Variants in PHF7 observed in about 807,000 individuals in gnomAD.
PHF7 encodes PHD finger protein 7.
A neutral mutation model predicts 47.5 loss-of-function variants in PHF7; 24 were observed. The observed-to-expected ratio is 0.51, with a 90% CI of 0.37 to 0.71. PHF7 has a LOEUF of 0.71. PHF7 is among the 30% of genes least tolerant of loss of function. The pLI is 0.00. For missense variants in PHF7, 361 were observed against 456.8 expected, an observed-to-expected ratio of 0.79 and a Z score of 1.91; for synonymous variants, 156 against 153.8, an observed-to-expected ratio of 1.01 and a Z score of -0.11.
In PHF7 at chr3:52,422,751, T is replaced by C. The variant is rs761431788; in HGVS notation, c.798-9T>C. 2.5e-6 allele frequency: 4 copies of C among 1,614,010 alleles called. No individual in the cohort carries two copies. The highest frequency in any genetic ancestry group is 3.4e-6 in the Non-Finnish European group (4 of 1,179,914). ...TGTCTCCACAACCCTTCCTGGGCTCTTCCTCTAGGAGGTGGTGCCTCATTC... is the reference window on the plus strand; with the variant it reads ...TGTCTCCACAACCCTTCCTGGGCTCCTCCTCTAGGAGGTGGTGCCTCATTC... On this transcript the variant is annotated splice_polypyrimidine_tract_variant and intron_variant, in intron 9 of 10. Coordinates refer to ENST00000327906, the MANE Select transcript of PHF7 (RefSeq NM_016483.7).
rs1395140112 is a variant in PHF7 at position 52,412,865 on chromosome 3, G to A, written c.-15G>A. 13 of 1,599,780 alleles carry A rather than the reference G, an allele frequency of 8.1e-6. No homozygotes were observed. Among genetic ancestry groups the A allele is most frequent in the Middle Eastern group, 1.6e-4 (1 of 6,068 alleles). On this transcript the variant is annotated 5_prime_UTR_variant, in exon 2 of 11. Transcript: ENST00000327906. ...GTATAGAAGAATTCAAGAGAGGAGA[G>A]AGAGACAGCACCGAATGAAGACTGT...
chr3:52,414,722 T>G, intron 4 of PHF7, 135 bp downstream of exon 4: 1 of 499,424 alleles, frequency 2.0e-6, no homozygotes, highest in Non-Finnish European at 3.5e-6. Context: ...TAAAATCTAT[T>G]TTTAGGCTGG....
In PHF7 at chr3:52,420,313, C is replaced by T; in HGVS notation, c.291C>T (p.Ile97=). 1 of 1,613,926 alleles carries T rather than the reference C, an allele frequency of 6.2e-7. No homozygotes were observed. Among genetic ancestry groups the T allele is most frequent in the Middle Eastern group, 1.7e-4 (1 of 6,060 alleles). Reference sequence around the variant, plus strand: ...ACTGTCTGGGAACTCATTTGCAGATCTGCTTTGTGTGCAAGAAAAAGGGAG... The same window carrying T: ...ACTGTCTGGGAACTCATTTGCAGATTTGCTTTGTGTGCAAGAAAAAGGGAG... ...KKEAARASRK[I]CFVCKKKGAA... is the part of the protein sequence containing the mutation. Residue 97 remains isoleucine, a splice_region_variant and synonymous_variant, in exon 6 of 11, where the codon ATC becomes ATT. Transcript: ENST00000327906.
chr3:52,422,706 A>G (rs886186268), intron 9 of PHF7, 54 bp from the exon 10 acceptor site: 1 of 1,602,996 alleles, frequency 6.2e-7, no homozygotes, highest in Non-Finnish European at 8.5e-7. Flanking sequence ...ACATCCAAGC[A>G]TGGCAGTTGG....
Position 52,422,860 on chromosome 3 carries a change from T to C in PHF7, c.898T>C (p.Cys300Arg). 6.2e-7 allele frequency: 1 copy of C among 1,613,588 alleles called. No homozygotes were observed. The highest frequency in any genetic ancestry group is 8.5e-7 in the Non-Finnish European group (1 of 1,179,894). The change falls in exon 10 of 11, where the codon TGT becomes CGT. Residue 300 changes from cysteine to arginine, a missense_variant. Transcript: ENST00000327906. ...CAGTAAGAAATGGGAGTGTGAGGAG[T>C]GTTCACCTGCTGCAGCCACAGGTGA... ...SNSKKWECEECSPAAATDYIP... is the reference protein window; with the variant it reads ...SNSKKWECEERSPAAATDYIP...
At chr3:52,415,807 C>G (rs1559598906) in intron 4 of PHF7, among the ~76,000 whole-genome samples, 1 of 152,146 alleles carries the variant, frequency 6.6e-6, no homozygotes, top group Non-Finnish European at 1.5e-5. Context: ...TGAATTGTTT[C>G]CATTTGAGGA....
Position 52,422,263 on chromosome 3 carries a change from T to C in PHF7, c.722T>C (p.Leu241Ser). Residue 241 changes from leucine to serine, a missense_variant, in exon 9 of 11, where the codon TTA becomes TCA. Physicochemically the swap from Leu to Ser is moderately radical, Grantham distance 145. Transcript: ENST00000327906. ...WELEPGAFSD[L>S]YQRYQHCDAP... ...CTCGAGCCAGGGGCTTTCTCAGACT[T>C]ATATCAGCGCTATCAGCACTGTGAT... is the stretch of plus-strand genomic sequence containing the variant. The C allele has an allele frequency of 6.2e-7, 1 of 1,614,094 alleles. No individual in the cohort carries two copies. Among genetic ancestry groups the C allele is most frequent in the South Asian group, 1.1e-5 (1 of 91,082 alleles).
intron 6 of PHF7, 152 bp downstream of exon 6, chr3:52,420,587 T>G (rs1705756944): frequency 1.2e-6 from 1 of 806,894 alleles, no homozygotes. Flanking sequence ...TGTCTTGACT[T>G]GGAGATTTCA....
rs498778 is a variant in PHF7, at chr3:52,419,877, C to T, written c.231C>T (p.Gly77=). 1,538,603 of 1,609,890 alleles carry T rather than the reference C, an allele frequency of 0.96. 735,446 individuals carry two copies. Among genetic ancestry groups the T allele is most frequent in the African/African-American group, 0.99 (73,875 of 74,932 alleles). Residue 77 remains glycine, a synonymous_variant, in exon 5 of 11, where the codon GGC becomes GGT. Coordinates refer to ENST00000327906, the MANE Select transcript of PHF7 (RefSeq NM_016483.7). ...CTCAGAGGGGCCAGTCCAACAGAGGCTTCCATGGATTTCTGCCTGAAGACA... is the reference window on the plus strand; with the variant it reads ...CTCAGAGGGGCCAGTCCAACAGAGGTTTCCATGGATTTCTGCCTGAAGACA... ...KLPQRGQSNR[G]FHGFLPEDIK... is the part of the protein sequence containing the mutation.
intron 9 of PHF7, 31 bp from the exon 10 acceptor site, chr3:52,422,729 C>T (rs1008684746): frequency 2.5e-6 from 4 of 1,613,278 alleles, no homozygotes; most frequent in Middle Eastern, 1.6e-4. Flanking sequence ...TTCTGTATGT[C>T]TCCACAACCC....
intron 9 of PHF7, 134 bp from the exon 10 acceptor site, chr3:52,422,626 A>G (rs1171098235): frequency 1.1e-6 from 1 of 931,834 alleles, no homozygotes; most frequent in Non-Finnish European, 1.7e-6. Flanking sequence ...TGGGATCAGC[A>G]CTCATCCTCT....
chr3:52,415,048 G>A (rs950850589), intron 4 of PHF7, among the ~76,000 whole-genome samples: 1 of 152,046 alleles, frequency 6.6e-6, no homozygotes, highest in African/African-American at 2.4e-5. Context: ...TATAAAGTAA[G>A]TTCAGTAAAA....
At chr3:52,422,996 G>T in intron 10 of PHF7, 95 bp from the exon 11 acceptor site, 1 of 1,527,640 alleles carries the variant, frequency 6.5e-7, no homozygotes, top group South Asian at 1.1e-5. Context: ...TGGTGCCTTT[G>T]ACTTTGGAAG....
intron 4 of PHF7, among the ~76,000 whole-genome samples, chr3:52,418,227 C>A (rs1372564655): frequency 6.6e-6 from 1 of 152,066 alleles, no homozygotes; most frequent in Non-Finnish European, 1.5e-5. Flanking sequence ...ATTTTCCTTT[C>A]TTGTAAGTCC....
At chr3:52,418,985 A>G (rs1194310352) in intron 4 of PHF7, among the ~76,000 whole-genome samples, 1 of 151,832 alleles carries the variant, frequency 6.6e-6, no homozygotes, top group Non-Finnish European at 1.5e-5. Flanking sequence ...TTGTATTTTT[A>G]GTAGAGACAG....
At chr3:52,414,676 C>A in intron 4 of PHF7, 89 bp downstream of exon 4, 1 of 730,428 alleles carries the variant, frequency 1.4e-6, no homozygotes, top group Non-Finnish European at 2.3e-6. Context: ...TATCCACAGC[C>A]TTGTTTTTTT....
chr3:52,419,168 A>G (rs1705708993), intron 4 of PHF7, among the ~76,000 whole-genome samples: 1 of 152,188 alleles, frequency 6.6e-6, no homozygotes, highest in Non-Finnish European at 1.5e-5. Context: ...CCCAGCACAC[A>G]ATAGCAGCCC....
At position 52,422,813 on chromosome 3, in the gene PHF7, A is replaced by G. The variant is rs758693905; in HGVS notation, c.851A>G (p.Asp284Gly). The G allele has an allele frequency of 1.9e-6, 3 of 1,614,050 alleles. No individual in the cohort carries two copies. Among genetic ancestry groups the G allele is most frequent in the Non-Finnish European group, 2.5e-6 (3 of 1,179,934 alleles). ...ATCGSHGTHRDCSSLRSNSKK... is the reference protein window; with the variant it reads ...ATCGSHGTHRGCSSLRSNSKK... ...TGCGGATCCCACGGAACCCACAGGG[A>G]CTGCTCCTCTCTTAGATCTAACAGT... Residue 284 changes from aspartate to glycine, a missense_variant, in exon 10 of 11, where the codon GAC becomes GGC. By Grantham distance (94) the Asp-to-Gly change is moderately conservative. Transcript: ENST00000327906.
intron 1 of PHF7, among the ~76,000 whole-genome samples, chr3:52,412,385 CT>C (rs1005628295): frequency 4.6e-5 from 7 of 152,146 alleles, no homozygotes; most frequent in Admixed American, 2.0e-4. Context: ...CAAAAGGAGC[CT>C]TTTTTTCCTG....
Sources: allele counts gnomAD v4.1 joint callset (sites outside exome capture counted in the v4.1 genomes callset), GRCh38; gene constraint gnomAD v4.1.1; transcripts MANE v1.5; gene names NCBI Gene and HGNC (gene_info 2026-07-23, HGNC 2026-07-21).